The following FRMD6 variants were observed in gnomAD, a reference collection of about 807,000 sequenced individuals.
FRMD6 encodes the protein FERM domain-containing protein 6.
Under a neutral mutation model 73.2 loss-of-function variants are expected in FRMD6, and 37 were observed. That is an observed-to-expected ratio of 0.51 (90% CI 0.39 to 0.66). The LOEUF is 0.66. FRMD6 is among the 30% of genes least tolerant of loss of function. FRMD6 has a pLI of 0.00. For synonymous variants in FRMD6, 273 were observed against 282.2 expected, an observed-to-expected ratio of 0.97 and a Z score of 0.33; for missense variants, 714 against 780.5, an observed-to-expected ratio of 0.91 and a Z score of 1.02.
intron 1 of FRMD6, among the ~76,000 whole-genome samples, chr14:51,539,580 G>T (rs1224368274): frequency 1.3e-5 from 2 of 152,098 alleles, no homozygotes; most frequent in African/African-American, 4.8e-5. Flanking sequence ...TTAAAGTTGG[G>T]CATACCATCT....
At chr14:51,644,387 A>ACACACACACACACT (rs1489278384) in intron 2 of FRMD6, among the ~76,000 whole-genome samples, 67 of 115,054 alleles carry the variant, frequency 5.8e-4, no homozygotes, top group Middle Eastern at 4.6e-3. Context: ...ACACACACAC[A>ACACACACACACACT]CTCACTCACT....
chr14:51,530,275 C>A (rs187250553), intron 1 of FRMD6, among the ~76,000 whole-genome samples: 2 of 152,204 alleles, frequency 1.3e-5, no homozygotes, highest in African/African-American at 4.8e-5. Context: ...CTCCACTCTC[C>A]GTGGCGTCAC....
At chr14:51,443,703 A>T in the FRMD6 span, among the ~76,000 whole-genome samples, 2 of 152,044 alleles carry the variant, frequency 1.3e-5, no homozygotes, top group African/African-American at 4.8e-5. Context: ...CTCCATCCCC[A>T]TCTTCCAAGA....
rs571228628 is a variant in FRMD6 at position 51,623,295 on chromosome 14, A to G, written c.-147+52885A>G. On this transcript the variant is annotated intron_variant, in intron 2 of 14. Coordinates refer to the FRMD6 transcript ENST00000356218. ...TGAAATGAGATTATCGCATTGGAGA[A>G]TCTCCTCCTCAATGAGTTTTACATT... 2.0e-5 allele frequency among the ~76,000 whole-genome samples: 3 copies of G among 152,292 alleles called. No individual in the cohort carries two copies. In the East Asian group the frequency reaches 5.8e-4, roughly 29 times the overall value.
intron 1 of FRMD6, among the ~76,000 whole-genome samples, chr14:51,504,570 G>C (rs917622195): frequency 6.6e-6 from 1 of 152,144 alleles, no homozygotes; most frequent in Non-Finnish European, 1.5e-5. Flanking sequence ...CCTTATTCTG[G>C]CCTGACTAGA....
At chr14:51,638,860 T>C (rs1184285224) in intron 2 of FRMD6, among the ~76,000 whole-genome samples, 1 of 152,228 alleles carries the variant, frequency 6.6e-6, no homozygotes, top group Non-Finnish European at 1.5e-5. Flanking sequence ...CTTGTAATTA[T>C]TTTTAAATGT....
upstream of FRMD6, among the ~76,000 whole-genome samples, chr14:51,485,135 C>T (rs767772660): frequency 3.9e-5 from 6 of 152,140 alleles, no homozygotes; most frequent in Non-Finnish European, 8.8e-5. Context: ...GCTTTTAAGG[C>T]GTCTAAGAAC....
chr14:51,707,974 C>T, intron 6 of FRMD6, 104 bp from the exon 7 acceptor site: 1 of 1,048,798 alleles, frequency 9.5e-7, no homozygotes, highest in Non-Finnish European at 1.4e-6. Context: ...AACCAGTTTA[C>T]ATGGCCTATT....
In FRMD6 at chr14:51,609,861, A is replaced by C. The variant is rs543890006; in HGVS notation, c.-147+39451A>C. On this transcript the variant is annotated intron_variant, in intron 2 of 14. Transcript: ENST00000356218. ...TGTGATGAAAATTATGGATCTTCTC[A>C]TCCAAAATAGGCACATACACACAAA... Among the ~76,000 whole-genome samples, 3 of 152,326 alleles carry C rather than the reference A, an allele frequency of 2.0e-5. No individual in the cohort carries two copies. In the South Asian group the frequency reaches 6.2e-4, roughly 32 times the overall value.
At chr14:51,725,210 G>A (rs906398186) in intron 12 of FRMD6, among the ~76,000 whole-genome samples, 4 of 152,112 alleles carry the variant, frequency 2.6e-5, no homozygotes, top group Admixed American at 6.5e-5. Context: ...TTATTGGCCC[G>A]ATTTTATACG....
intron 2 of FRMD6, among the ~76,000 whole-genome samples, chr14:51,690,865 T>TA (rs1051163774): frequency 2.0e-5 from 3 of 152,086 alleles, no homozygotes; most frequent in African/African-American, 4.8e-5. Context: ...TTTTTAACTT[T>TA]AAAAAAATTG....
chr14:51,542,763 T>C (rs1363434264), intron 1 of FRMD6, among the ~76,000 whole-genome samples: 3 of 152,078 alleles, frequency 2.0e-5, no homozygotes, highest in Non-Finnish European at 4.4e-5. Flanking sequence ...TTTCTTCGTG[T>C]CCTCACCAAC....
the FRMD6 span, among the ~76,000 whole-genome samples, chr14:51,444,256 T>C: frequency 1.3e-5 from 2 of 152,206 alleles, no homozygotes; most frequent in Admixed American, 6.5e-5. Flanking sequence ...AGAGTAAGTT[T>C]TTCCTGGTGA....
intron 1 of FRMD6, among the ~76,000 whole-genome samples, chr14:51,549,650 C>T (rs1328643456): frequency 5.0e-5 from 6 of 119,144 alleles, no homozygotes; most frequent in Non-Finnish European, 8.2e-5. Flanking sequence ...GGCTGGAGTG[C>T]AGTGGCGCAC....
the FRMD6 span, among the ~76,000 whole-genome samples, chr14:51,417,819 G>A: frequency 6.6e-6 from 1 of 152,072 alleles, no homozygotes; most frequent in Non-Finnish European, 1.5e-5. Context: ...TTTTCACATA[G>A]TCCCATATTT....
chr14:51,632,093 C>G (rs1891360192), intron 2 of FRMD6, among the ~76,000 whole-genome samples: 1 of 152,150 alleles, frequency 6.6e-6, no homozygotes, highest in African/African-American at 2.4e-5. Context: ...CTAGTGAGTT[C>G]TCAAGAGATC....
chr14:51,702,531 C>T lies in FRMD6; in HGVS notation c.314C>T (p.Pro105Leu), dbSNP rs1351688958. The T allele has an allele frequency of 1.2e-6, 2 of 1,611,734 alleles. No homozygotes were observed. The highest frequency in any genetic ancestry group is 1.1e-5 in the South Asian group (1 of 90,968). The change falls in exon 5 of 14, where the codon CCT becomes CTT. Residue 105 changes from proline (P) to leucine (L), a missense_variant. Pro to Leu is a moderately conservative substitution (Grantham distance 98). Coordinates refer to ENST00000344768, the MANE Select transcript of FRMD6 (RefSeq NM_001267046.2). ...EVTWGIDQFG[P>L]PMIIHFRVQY... Reference sequence around the variant, plus strand: ...TTCTAGGGTATCGACCAATTTGGGCCTCCTATGATCATCCACTTCCGTGTG... The same window carrying T: ...TTCTAGGGTATCGACCAATTTGGGCTTCCTATGATCATCCACTTCCGTGTG...
chr14:51,710,111 A>G (rs1178427613), intron 7 of FRMD6, among the ~76,000 whole-genome samples: 2 of 152,310 alleles, frequency 1.3e-5, no homozygotes, highest in Admixed American at 6.5e-5. Context: ...TCCCCAATTT[A>G]TCTTCTGTGT....
At chr14:51,526,791 CCT>C (rs1325000788) in intron 1 of FRMD6, among the ~76,000 whole-genome samples, 1 of 152,212 alleles carries the variant, frequency 6.6e-6, no homozygotes, top group African/African-American at 2.4e-5. Flanking sequence ...TGCCGCTTTG[CCT>C]CTCTCGTTGA....
Sources: allele counts gnomAD v4.1 joint callset (sites outside exome capture counted in the v4.1 genomes callset), GRCh38; gene constraint gnomAD v4.1.1; transcripts MANE v1.5; gene names NCBI Gene and HGNC (gene_info 2026-07-23, HGNC 2026-07-21).